SGCZ: variants seen among roughly 807,000 people sequenced by gnomAD.
The protein encoded by SGCZ is sarcoglycan zeta, also known as zeta-sarcoglycan.
SGCZ carries 40 observed loss-of-function variants against 41.3 expected under a neutral mutation model. The ratio of observed to expected loss-of-function variants is 0.97; its 90% CI spans 0.75 to 1.26. SGCZ has a LOEUF of 1.26. SGCZ is among the 50% of genes most tolerant of loss of function. The pLI, the probability that SGCZ is intolerant of heterozygous loss-of-function variation, is 0.00. For synonymous variants in SGCZ, 206 were observed against 137.5 expected (o/e 1.50, Z -3.49); for missense variants, 552 against 369.8 (o/e 1.49, Z -4.04).
chr8:15,107,898 A>G (rs1169120971), intron 1 of SGCZ, among the ~76,000 whole-genome samples: 1 of 152,152 alleles, frequency 6.6e-6, no homozygotes, highest in African/African-American at 2.4e-5. Flanking sequence ...CATTTCGTTC[A>G]GGTTTCATAT....
At chr8:14,567,089 C>G (rs991923575) in intron 1 of SGCZ, among the ~76,000 whole-genome samples, 4 of 152,186 alleles carry the variant, frequency 2.6e-5, no homozygotes, top group Non-Finnish European at 5.9e-5. Context: ...GGGCAGGGCT[C>G]GGGACCTGCA....
chr8:14,789,665 C>A (rs963313005), intron 1 of SGCZ, among the ~76,000 whole-genome samples: 4 of 152,168 alleles, frequency 2.6e-5, no homozygotes, highest in Admixed American at 2.0e-4. Context: ...TTTGTACATG[C>A]AGCTTGTACT....
At chr8:15,014,522 G>C (rs6530828) in intron 1 of SGCZ, among the ~76,000 whole-genome samples, 16,324 of 152,196 alleles carry the variant, frequency 0.11, 1,001 homozygotes, top group African/African-American at 0.17. Context: ...TTCAGTGCAG[G>C]TGTTCTGGTT....
intron 4 of SGCZ, among the ~76,000 whole-genome samples, chr8:14,181,456 C>T (rs974952041): frequency 6.6e-6 from 1 of 152,156 alleles, no homozygotes; most frequent in African/African-American, 2.4e-5. Flanking sequence ...AGGTGGGCAT[C>T]CCCCATCCCC....
chr8:15,070,599 T>C (rs1293345412), intron 1 of SGCZ, among the ~76,000 whole-genome samples: 4 of 152,146 alleles, frequency 2.6e-5, no homozygotes, highest in African/African-American at 9.6e-5. Context: ...CAGAAAGACT[T>C]TGAAATCCTC....
chr8:14,249,744 G>T (rs1445168368), intron 3 of SGCZ, among the ~76,000 whole-genome samples: 1 of 152,078 alleles, frequency 6.6e-6, no homozygotes, highest in Non-Finnish European at 1.5e-5. Context: ...AATGTGGGGT[G>T]GGGGGAATAT....
At chr8:14,826,710 C>A (rs369317556) in intron 1 of SGCZ, among the ~76,000 whole-genome samples, 1 of 152,028 alleles carries the variant, frequency 6.6e-6, no homozygotes, top group African/African-American at 2.4e-5. Context: ...TTTCATGTGT[C>A]TTTTGGCTGC....
intron 4 of SGCZ, among the ~76,000 whole-genome samples, chr8:14,233,892 G>C (rs895619169): frequency 6.6e-6 from 1 of 151,854 alleles, no homozygotes; most frequent in African/African-American, 2.4e-5. Flanking sequence ...TCTTCAAGGA[G>C]TCTGACCTCT....
intron 1 of SGCZ, among the ~76,000 whole-genome samples, chr8:14,589,459 A>T (rs967711706): frequency 8.5e-5 from 13 of 152,148 alleles, no homozygotes. Context: ...GAAGAAAAAA[A>T]CATGTATTAG....
chr8:14,674,005 TA>T (rs1178030054), intron 1 of SGCZ, among the ~76,000 whole-genome samples: 1 of 152,162 alleles, frequency 6.6e-6, no homozygotes, highest in Non-Finnish European at 1.5e-5. Flanking sequence ...TTAAATGCTT[TA>T]AAGTGATCCA....
At chr8:14,969,585 GT>G (rs1210632394) in intron 1 of SGCZ, among the ~76,000 whole-genome samples, 5 of 151,872 alleles carry the variant, frequency 3.3e-5, no homozygotes, top group Non-Finnish European at 5.9e-5. Flanking sequence ...CTGTAGGTTA[GT>G]TGACATTTGT....
At chr8:14,175,430 G>A (rs910880796) in intron 4 of SGCZ, among the ~76,000 whole-genome samples, 5 of 152,026 alleles carry the variant, frequency 3.3e-5, no homozygotes, top group African/African-American at 1.2e-4. Context: ...CGTAGTTTGA[G>A]AAATATAGAG....
intron 1 of SGCZ, among the ~76,000 whole-genome samples, chr8:14,868,192 C>A (rs1288323897): frequency 6.6e-6 from 1 of 152,106 alleles, no homozygotes; most frequent in African/African-American, 2.4e-5. Flanking sequence ...GCTGAAAGGT[C>A]AGTCACGAGG....
intron 1 of SGCZ, among the ~76,000 whole-genome samples, chr8:14,575,476 C>G (rs1044736989): frequency 2.6e-5 from 4 of 152,078 alleles, no homozygotes; most frequent in Non-Finnish European, 4.4e-5. Flanking sequence ...ATACATGTTA[C>G]AGAAACCCCA....
chr8:14,356,660 C>T (rs551129372), intron 2 of SGCZ, among the ~76,000 whole-genome samples: 130 of 151,808 alleles, frequency 8.6e-4, no homozygotes, highest in Non-Finnish European at 1.3e-3. Context: ...ATGAAGCAAA[C>T]CAACTCAAGG....
chr8:14,429,471 G>A (rs1398875657), intron 2 of SGCZ, among the ~76,000 whole-genome samples: 1 of 152,188 alleles, frequency 6.6e-6, no homozygotes, highest in Non-Finnish European at 1.5e-5. Context: ...GAGAAAGAGA[G>A]TGAGATGAGA....
intron 1 of SGCZ, among the ~76,000 whole-genome samples, chr8:14,593,747 A>C (rs956704333): frequency 4.6e-5 from 7 of 152,354 alleles, no homozygotes; most frequent in African/African-American, 1.7e-4. Context: ...AACATTTTAC[A>C]TTGGATTGAA....
chr8:15,204,222 T>G (rs1424681795), intron 1 of SGCZ, among the ~76,000 whole-genome samples: 2 of 152,174 alleles, frequency 1.3e-5, no homozygotes, highest in Admixed American at 6.5e-5. Flanking sequence ...AATAATTATA[T>G]AGAGTTGGAG....
chr8:14,926,472 G>A (rs560769710), intron 1 of SGCZ, among the ~76,000 whole-genome samples: 103 of 151,490 alleles, frequency 6.8e-4, no homozygotes, highest in African/African-American at 2.3e-3. Flanking sequence ...CATTTATCAC[G>A]TAAGCATCTC....
Sources: allele counts gnomAD v4.1 joint callset (sites outside exome capture counted in the v4.1 genomes callset), GRCh38; gene constraint gnomAD v4.1.1; transcripts MANE v1.5; gene names NCBI Gene and HGNC (gene_info 2026-07-23, HGNC 2026-07-21).